Variants in RHOXF1 observed in about 807,000 individuals in gnomAD.
The protein encoded by RHOXF1 is PEPP subfamily gene 1.
Under a neutral mutation model 9.7 loss-of-function variants are expected in RHOXF1, and 1 was observed. That is an observed-to-expected ratio of 0.10 (90% CI 0.04 to 0.49). RHOXF1 has a LOEUF of 0.49. Ranked by LOEUF, RHOXF1 falls within the 20% of genes least tolerant of loss-of-function variation. The probability of loss-of-function intolerance (pLI) is 0.95; values close to 1 mark genes in which losing one functional copy is unlikely to be tolerated. For missense variants in RHOXF1, 179 were observed against 168.0 expected, an observed-to-expected ratio of 1.07 and a Z score of -0.36; for synonymous variants, 72 against 70.2, an observed-to-expected ratio of 1.03 and a Z score of -0.13.
In RHOXF1 at chrX:120,112,787, ACAAAGCCTT is replaced by A. The variant is rs1231489713; in HGVS notation, c.444+73_444+81del. The A allele has an allele frequency of 6.2e-6, 4 of 648,378 alleles. No individual in the cohort carries two copies. In the Admixed American group the frequency reaches 1.0e-4, roughly 16 times the overall value. 53.4% of individuals were successfully genotyped at this position (648,378 alleles called of 1,213,427 possible). A position where few individuals can be genotyped will look rare whatever the true frequency, so the allele number is the denominator to read the frequency against. On this transcript the variant is annotated intron_variant, in intron 2 of 2. Coordinates refer to ENST00000217999, the MANE Select transcript of RHOXF1 (RefSeq NM_139282.3). ...AAACAACAACTTTAGAACGTTCAGG[ACAAAGCCTT>A]CAAAGCCTTCAATGCCCTGAAGCAG...
At chrX:120,116,738 G>A (rs1307129604), upstream of RHOXF1, among the ~76,000 whole-genome samples, 1 of 110,893 alleles carries the variant, frequency 9.0e-6, no homozygotes, top group Non-Finnish European at 1.9e-5. Flanking sequence ...AGCATTCTGG[G>A]TGGTAAGATG....
intron 2 of RHOXF1, among the ~76,000 whole-genome samples, chrX:120,111,633 G>A (rs2057265502): frequency 9.0e-6 from 1 of 110,861 alleles, no homozygotes; most frequent in Non-Finnish European, 1.9e-5. Flanking sequence ...CTAAAATGAG[G>A]GCCACCTCTC....
chrX:120,116,965 TCTC>T (rs1187787880), upstream of RHOXF1, among the ~76,000 whole-genome samples: 1 of 111,415 alleles, frequency 9.0e-6, no homozygotes, highest in Non-Finnish European at 1.9e-5. Flanking sequence ...CTGCCAAAAA[TCTC>T]CAATCTTGGG....
chrX:120,111,617 T>C (rs2147896238), intron 2 of RHOXF1, among the ~76,000 whole-genome samples: 1 of 111,729 alleles, frequency 9.0e-6, no homozygotes, highest in Non-Finnish European at 1.9e-5. Context: ...TGGGTGTGAA[T>C]CTACCCTAAA....
intron 2 of RHOXF1, among the ~76,000 whole-genome samples, chrX:120,110,494 G>A (rs2057260288): frequency 9.0e-6 from 1 of 111,562 alleles, no homozygotes; most frequent in African/African-American, 3.3e-5. Flanking sequence ...TGGACTGGAG[G>A]TGCTGTAGCC....
intron 2 of RHOXF1, 104 bp downstream of exon 2, chrX:120,112,762 AAAC>A: frequency 6.2e-6 from 3 of 483,107 alleles, no homozygotes; most frequent in South Asian, 6.3e-5. Flanking sequence ...ACAATAATAA[AAAC>A]AACAACTTTA....
Position 120,115,726 on chromosome X carries a change from C to T in RHOXF1, c.137G>A (p.Gly46Asp). The T allele has an allele frequency of 8.3e-7, 1 of 1,209,725 alleles. No individual in the cohort carries two copies. The highest frequency in any genetic ancestry group is 1.1e-6 in the Non-Finnish European group (1 of 895,166). ...CACACCGCCCTCAGGGTTCATATTA[C>T]CCATGAGGCCTGGAGCTCCTTGGCC... ...HVGQGAPGLM[G>D]NMNPEGGVNH... is the part of the protein sequence containing the mutation. The change falls in exon 1 of 3, where the codon GGT (glycine) becomes GAT (aspartate). Residue 46 changes from glycine to aspartate, a missense_variant. Coordinates refer to ENST00000217999, the MANE Select transcript of RHOXF1 (RefSeq NM_139282.3).
intron 2 of RHOXF1, among the ~76,000 whole-genome samples, chrX:120,111,186 G>A (rs1048084633): frequency 1.8e-5 from 2 of 111,236 alleles, no homozygotes; most frequent in Admixed American, 1.9e-4. Context: ...ACATTATGTC[G>A]ACTCAGGGAG....
chrX:120,115,123 G>A (rs1234598275), intron 1 of RHOXF1, among the ~76,000 whole-genome samples: 2 of 111,555 alleles, frequency 1.8e-5, no homozygotes, highest in Non-Finnish European at 3.8e-5. Context: ...GGCAAGATGA[G>A]AAGAATTCTA....
upstream of RHOXF1, among the ~76,000 whole-genome samples, chrX:120,118,256 G>A (rs138729056): frequency 5.5e-3 from 611 of 111,721 alleles, 9 homozygotes; most frequent in Admixed American, 0.044. Flanking sequence ...GGCTGGCACC[G>A]TCACGGGCAG....
chrX:120,114,707 AC>A (rs1189264299), intron 1 of RHOXF1, among the ~76,000 whole-genome samples: 4 of 112,281 alleles, frequency 3.6e-5, no homozygotes, highest in African/African-American at 1.3e-4. Flanking sequence ...GCACAACATC[AC>A]TAATCATTAG....
chrX:120,116,251 G>A (rs1359311843), upstream of RHOXF1, among the ~76,000 whole-genome samples: 1 of 67,743 alleles, frequency 1.5e-5, no homozygotes, highest in Non-Finnish European at 2.8e-5. Flanking sequence ...GAGATGGGAG[G>A]TGTGGGTGGA....
In RHOXF1 at chrX:120,109,271, C is replaced by A; in HGVS notation, c.476G>T (p.Arg159Met). ...VWFKNKRARCRRHQRELMLAN... is the reference protein window; with the variant it reads ...VWFKNKRARCMRHQRELMLAN... ...GAGCATTAATTCTCTCTGATGTCGC[C>A]TACATCTGGCCCTTTTATTCTTAAA... Residue 159 changes from arginine (R) to methionine (M), a missense_variant, in exon 3 of 3, where the codon AGG (arginine) becomes ATG (methionine). Physicochemically the swap from Arg to Met is moderately conservative, Grantham distance 91 (BLOSUM62 -1). Transcript: ENST00000217999. 2 of 1,192,180 alleles carry A rather than the reference C, an allele frequency of 1.7e-6. No individual in the cohort carries two copies. The highest frequency in any genetic ancestry group is 2.3e-6 in the Non-Finnish European group (2 of 880,577).
At chrX:120,119,343 G>T (rs1316008947), upstream of RHOXF1, among the ~76,000 whole-genome samples, 1 of 112,152 alleles carries the variant, frequency 8.9e-6, no homozygotes, top group Non-Finnish European at 1.9e-5. Flanking sequence ...TACCTAGTCT[G>T]GTTCTAGGGT....
chrX:120,119,009 A>G (rs2057307095), upstream of RHOXF1, among the ~76,000 whole-genome samples: 1 of 111,834 alleles, frequency 8.9e-6, no homozygotes, highest in Non-Finnish European at 1.9e-5. Context: ...TGATGGAAGC[A>G]CATATAGGTA....
In RHOXF1 at chrX:120,109,197, C is replaced by T. The variant is rs2057253853; in HGVS notation, c.550G>A (p.Asp184Asn). The stretch of plus-strand genomic sequence containing the variant: ...AGAAGGATGGCATTCTAGGGCTAGT[C>T]CACGACGATGTAGACACAGTCGTCT... The part of the protein sequence containing the change: ...DPDDCVYIVV[D>N] Residue 184 changes from aspartate to asparagine, a missense_variant, in exon 3 of 3, where the codon GAC becomes AAC. Physicochemically the swap from Asp to Asn is conservative, Grantham distance 23. Transcript: ENST00000217999. 8.5e-7 allele frequency: 1 copy of T among 1,174,849 alleles called. No individual in the cohort carries two copies. Among genetic ancestry groups the T allele is most frequent in the Non-Finnish European group, 1.2e-6 (1 of 865,875 alleles).
intron 2 of RHOXF1, among the ~76,000 whole-genome samples, chrX:120,112,503 A>ATTATATATAATACACATATG (rs2057273431): frequency 1.1e-5 from 1 of 91,630 alleles, no homozygotes; most frequent in Non-Finnish European, 2.1e-5. Context: ...ATACACATAT[A>ATTATATATAATACACATATG]TGTATTATAT....
upstream of RHOXF1, among the ~76,000 whole-genome samples, chrX:120,116,802 C>T (rs1473829862): frequency 6.3e-5 from 7 of 111,214 alleles, no homozygotes; most frequent in Admixed American, 6.7e-4. Flanking sequence ...AGAATAAACA[C>T]GAGGCTGAAT....
chrX:120,116,487 T>C (rs782084962), upstream of RHOXF1: 3 of 110,791 alleles, frequency 2.7e-5, no homozygotes, highest in South Asian at 3.9e-4. Context: ...GAAAGCTGAT[T>C]TGGGGGCTCA....
Sources: gnomAD v4.1 joint callset for allele counts (sites outside exome capture counted in the v4.1 genomes callset) on GRCh38, gnomAD v4.1.1 for gene constraint, MANE v1.5 for transcripts, NCBI Gene and HGNC (gene_info 2026-07-23, HGNC 2026-07-21) for gene names.